Variants in SH3KBP1 observed in about 807,000 individuals in gnomAD.
SH3KBP1 encodes the protein SH3 domain containing kinase binding protein 1.
In SH3KBP1, 8 loss-of-function variants were observed where a neutral mutation model predicts 50.1. The ratio of observed to expected loss-of-function variants is 0.16; its 90% CI spans 0.09 to 0.29. The LOEUF (loss-of-function observed/expected upper bound fraction) is 0.29, where lower values mean the gene tolerates loss of function less well. Ranked by LOEUF, SH3KBP1 falls within the 10% of genes least tolerant of loss-of-function variation. The probability of loss-of-function intolerance (pLI) is 1.00; values close to 1 mark genes in which losing one functional copy is unlikely to be tolerated. For synonymous variants in SH3KBP1, 227 were observed against 218.6 expected (o/e 1.04, Z -0.34); for missense variants, 377 against 535.2 (o/e 0.70, Z 2.92).
intron 2 of SH3KBP1, among the ~76,000 whole-genome samples, chrX:19,835,151 CTTAT>C (rs1191212062): frequency 1.8e-5 from 2 of 110,954 alleles, no homozygotes; most frequent in Admixed American, 9.6e-5. Context: ...TCTACCTTTA[CTTAT>C]TTGTTTGTTT....
intron 1 of SH3KBP1, among the ~76,000 whole-genome samples, chrX:19,841,585 T>C (rs1183068027): frequency 8.9e-6 from 1 of 111,984 alleles, no homozygotes; most frequent in African/African-American, 3.2e-5. Context: ...GTTTCAGTCC[T>C]CTGAAGGGCA....
At chrX:19,788,908 G>C (rs770842330) in intron 2 of SH3KBP1, among the ~76,000 whole-genome samples, 23 of 112,186 alleles carry the variant, frequency 2.1e-4, no homozygotes, top group Non-Finnish European at 3.8e-4. Context: ...GGCGGATCAC[G>C]AGGTCAGGAG....
At chrX:19,779,521 C>T (rs752368072) in intron 2 of SH3KBP1, among the ~76,000 whole-genome samples, 1 of 101,291 alleles carries the variant, frequency 9.9e-6, no homozygotes, top group African/African-American at 3.6e-5. Flanking sequence ...TGGTGCGCTG[C>T]ACCCACTAAC....
chrX:19,841,085 T>A (rs772244669), intron 1 of SH3KBP1, among the ~76,000 whole-genome samples: 8 of 111,887 alleles, frequency 7.2e-5, no homozygotes, highest in Non-Finnish European at 1.3e-4. Context: ...ACGAAATGGG[T>A]GGTTTTTAAC....
rs1454973049 is a variant in SH3KBP1, at chrX:19,826,686, A to ATAACG, written c.162+9438_162+9439insCGTTA. Among the ~76,000 whole-genome samples, 18 of 24,240 alleles carry ATAACG rather than the reference A, an allele frequency of 7.4e-4. No homozygotes were observed. The East Asian group carries it at 0.011, about 15-fold the overall frequency. 21.0% of individuals were successfully genotyped at this position (24,240 alleles called of 115,157 possible). A position where few individuals can be genotyped will look rare whatever the true frequency, so the allele number is the denominator to read the frequency against. ...CTATGGAAGGAGACACTGTCTCTAA[A>ATAACG]TAACATAACATAACATAACATAACA... On this transcript the variant is annotated intron_variant, in intron 2 of 17. Coordinates refer to ENST00000397821, the MANE Select transcript of SH3KBP1 (RefSeq NM_031892.3).
chrX:19,830,683 GC>G (rs2067845631), intron 2 of SH3KBP1, among the ~76,000 whole-genome samples: 1 of 109,689 alleles, frequency 9.1e-6, no homozygotes, highest in African/African-American at 3.3e-5. Flanking sequence ...AATTGCTTGA[GC>G]CCAGGAGTTT....
chrX:19,605,493 AG>A (rs1220547986), intron 9 of SH3KBP1, among the ~76,000 whole-genome samples: 1 of 111,759 alleles, frequency 8.9e-6, no homozygotes, highest in Non-Finnish European at 1.9e-5. Context: ...GTCACCATGA[AG>A]GTCTTGGCGC....
chrX:19,794,699 T>G (rs1457488242), intron 2 of SH3KBP1, among the ~76,000 whole-genome samples: 1 of 110,863 alleles, frequency 9.0e-6, no homozygotes, highest in Non-Finnish European at 1.9e-5. Flanking sequence ...CAAGACTCTA[T>G]CTCAAAAAAT....
At chrX:19,580,673 A>C (rs767488624) in intron 12 of SH3KBP1, among the ~76,000 whole-genome samples, 1 of 111,612 alleles carries the variant, frequency 9.0e-6, no homozygotes, top group East Asian at 2.8e-4. Flanking sequence ...GCACCCCTAA[A>C]CACCCGTGAT....
chrX:19,835,983 T>C, intron 2 of SH3KBP1, 142 bp downstream of exon 2: 1 of 573,880 alleles, frequency 1.7e-6, no homozygotes, highest in African/African-American at 2.3e-5. Flanking sequence ...AGGGCAAAAC[T>C]ATACATGCTT....
intron 1 of SH3KBP1, among the ~76,000 whole-genome samples, chrX:19,865,189 T>C (rs2068873247): frequency 8.9e-6 from 1 of 112,514 alleles, no homozygotes; most frequent in African/African-American, 3.2e-5. Context: ...TGCATTAATC[T>C]GCACCTAAGT....
intron 2 of SH3KBP1, among the ~76,000 whole-genome samples, chrX:19,784,323 T>C (rs1370567614): frequency 1.8e-5 from 2 of 112,228 alleles, no homozygotes; most frequent in African/African-American, 6.5e-5. Context: ...TCCGTGTATA[T>C]CTAGGAAATG....
At chrX:19,780,012 G>A (rs1191187320) in intron 2 of SH3KBP1, among the ~76,000 whole-genome samples, 8 of 110,905 alleles carry the variant, frequency 7.2e-5, no homozygotes, top group Admixed American at 9.5e-5. Flanking sequence ...CTGAGGAATC[G>A]CCACACTGAC....
intron 2 of SH3KBP1, among the ~76,000 whole-genome samples, chrX:19,817,533 C>A (rs935929948): frequency 8.9e-6 from 1 of 112,446 alleles, no homozygotes; most frequent in African/African-American, 3.2e-5. Context: ...TGCTACATAA[C>A]ATTGTTTTTG....
intron 1 of SH3KBP1, among the ~76,000 whole-genome samples, chrX:19,867,537 A>G (rs2068944457): frequency 8.9e-6 from 1 of 111,956 alleles, no homozygotes; most frequent in African/African-American, 3.3e-5. Flanking sequence ...CAGACATGCG[A>G]TTCTCTTCCA....
intron 3 of SH3KBP1, among the ~76,000 whole-genome samples, chrX:19,722,568 TG>T (rs1569442091): frequency 1.1e-4 from 8 of 71,538 alleles, no homozygotes; most frequent in African/African-American, 5.0e-4. Context: ...GCGTGCGCAC[TG>T]GTGTGTGTGT....
intron 1 of SH3KBP1, among the ~76,000 whole-genome samples, chrX:19,854,153 T>C (rs1050984056): frequency 1.8e-5 from 2 of 109,913 alleles, no homozygotes; most frequent in African/African-American, 3.3e-5. Context: ...TCTTGCTCTA[T>C]TGCCCAGGCT....
chrX:19,859,430 G>C (rs1274060685), intron 1 of SH3KBP1, among the ~76,000 whole-genome samples: 2 of 112,091 alleles, frequency 1.8e-5, no homozygotes, highest in Non-Finnish European at 3.8e-5. Context: ...CTACAGGCAT[G>C]AGCCACCATG....
intron 6 of SH3KBP1, 24 bp downstream of exon 6, chrX:19,683,799 T>A (rs1473015550): frequency 8.4e-7 from 1 of 1,187,138 alleles, no homozygotes; most frequent in African/African-American, 1.8e-5. Flanking sequence ...TAAGTTGAAA[T>A]CAAATAGAAA....
Sources: gnomAD v4.1 joint callset for allele counts (sites outside exome capture counted in the v4.1 genomes callset) on GRCh38, gnomAD v4.1.1 for gene constraint, MANE v1.5 for transcripts, NCBI Gene and HGNC (gene_info 2026-07-23, HGNC 2026-07-21) for gene names.